The following MAP2K5 variants were observed in gnomAD, a reference collection of about 807,000 sequenced individuals.
The protein encoded by MAP2K5 is mitogen-activated protein kinase kinase 5, also known as dual specificity mitogen-activated protein kinase kinase 5.
Under a neutral mutation model 83.1 loss-of-function variants are expected in MAP2K5, and 49 were observed. That is an observed-to-expected ratio of 0.59 (90% CI 0.47 to 0.75). The LOEUF (loss-of-function observed/expected upper bound fraction) is 0.75, where lower values mean the gene tolerates loss of function less well. Ranked by LOEUF, MAP2K5 falls within the 30% of genes least tolerant of loss-of-function variation. The pLI is 0.00. For missense variants in MAP2K5, 457 were observed against 557.5 expected, an observed-to-expected ratio of 0.82 and a Z score of 1.82; for synonymous variants, 202 against 191.8, an observed-to-expected ratio of 1.05 and a Z score of -0.44.
chr15:67,732,160 T>C (rs2089236941), intron 17 of MAP2K5, among the ~76,000 whole-genome samples: 1 of 152,230 alleles, frequency 6.6e-6, no homozygotes, highest in Non-Finnish European at 1.5e-5. Context: ...TCTGGAAAGA[T>C]GTGAAGGTCT....
At chr15:67,598,965 C>G (rs2085590536) in intron 7 of MAP2K5, among the ~76,000 whole-genome samples, 1 of 152,166 alleles carries the variant, frequency 6.6e-6, no homozygotes, top group South Asian at 2.1e-4. Flanking sequence ...GAGAAATGTT[C>G]TAAGGGAATT....
rs2090707957 is a variant in MAP2K5 at position 67,801,597 on chromosome 15, C to G, written c.1243-5049C>G. 6.6e-6 allele frequency among the ~76,000 whole-genome samples: 1 copy of G among 152,190 alleles called. No individual in the cohort carries two copies. Among genetic ancestry groups the G allele is most frequent in the African/African-American group, 2.4e-5 (1 of 41,436 alleles). ...AGTGTCCTGGGTTTAAACTCTAACT[C>G]TGCCACTTTCTCCATGACCTTGCCA... On this transcript the variant is annotated intron_variant, in intron 21 of 21. Transcript: ENST00000178640. This position sits in a 1 kb window ranked among gnomAD's most constrained non-coding sequence, Gnocchi z 4.8.
Position 67,552,231 on chromosome 15 carries a change from T to TATAGAAAA in MAP2K5, c.184+2154_184+2161dup, listed in dbSNP as rs1323725954. 2.0e-5 allele frequency among the ~76,000 whole-genome samples: 3 copies of TATAGAAAA among 152,224 alleles called. No individual in the cohort carries two copies. The highest frequency in any genetic ancestry group is 7.2e-5 in the African/African-American group (3 of 41,458). On this transcript the variant is annotated intron_variant, in intron 2 of 21. Coordinates refer to ENST00000178640, the MANE Select transcript of MAP2K5 (RefSeq NM_145160.3). This position sits in a 1 kb window ranked among gnomAD's most constrained non-coding sequence, Gnocchi z 4.2. Reference sequence around the variant, plus strand: ...TTATTAGTCACATTGAACTCTGTACTATAGAAAAATAGTACATCTGTCTGA... The same window carrying TATAGAAAA: ...TTATTAGTCACATTGAACTCTGTACTATAGAAAAATAGAAAAATAGTACATCTGTCTGA...
At chr15:67,763,429 C>A (rs1171273483) in intron 19 of MAP2K5, among the ~76,000 whole-genome samples, 3 of 152,194 alleles carry the variant, frequency 2.0e-5, no homozygotes, top group Admixed American at 2.0e-4. Context: ...TCCCACCTTT[C>A]TCCTTCTGAT....
At chr15:67,628,651 A>T in intron 8 of MAP2K5, 1 of 1,031,756 alleles carries the variant, frequency 9.7e-7, no homozygotes, top group Non-Finnish European at 1.5e-6. Context: ...TGTGGATAAG[A>T]CTGTCATTCA....
chr15:67,752,117 G>A (rs2089731087), intron 19 of MAP2K5, among the ~76,000 whole-genome samples: 1 of 152,078 alleles, frequency 6.6e-6, no homozygotes, highest in Admixed American at 6.5e-5. Flanking sequence ...CCAGGCTGGA[G>A]TGGAGTGGCA....
chr15:67,792,327 T>C (rs2090531922), intron 21 of MAP2K5, among the ~76,000 whole-genome samples: 1 of 152,210 alleles, frequency 6.6e-6, no homozygotes, highest in African/African-American at 2.4e-5. Flanking sequence ...AGGGTTAGAC[T>C]AAACCTTTTA....
intron 15 of MAP2K5, among the ~76,000 whole-genome samples, chr15:67,701,181 A>G (rs1272554545): frequency 6.6e-6 from 1 of 152,184 alleles, no homozygotes; most frequent in Admixed American, 6.5e-5. Context: ...TTAGGGCAGC[A>G]TTTAGTTATT....
At position 67,644,790 on chromosome 15, in the gene MAP2K5, G is replaced by GA. The variant is rs894699031; in HGVS notation, c.586-1431dup. 1.4e-4 allele frequency among the ~76,000 whole-genome samples: 20 copies of GA among 146,776 alleles called. No individual in the cohort carries two copies. The highest frequency in any genetic ancestry group is 4.3e-4 in the South Asian group (2 of 4,636). Reference sequence around the variant, plus strand: ...ATTAGCAAAGAACATTACCTGACTGGAAAAAAAAAAGATGATATATTTTTA... The same window carrying GA: ...ATTAGCAAAGAACATTACCTGACTGGAAAAAAAAAAAGATGATATATTTTTA... On this transcript the variant is annotated intron_variant, in intron 9 of 21. Transcript: ENST00000178640. The surrounding 1 kb of genome is among the most constrained non-coding windows in gnomAD (Gnocchi z 4.6).
chr15:67,739,447 T>C (rs1596886250), intron 17 of MAP2K5, among the ~76,000 whole-genome samples: 1 of 14,788 alleles, frequency 6.8e-5, no homozygotes, highest in Non-Finnish European at 1.2e-4. Flanking sequence ...TATATATATA[T>C]ATATATATAT....
At chr15:67,744,481 T>G (rs949930336) in intron 17 of MAP2K5, among the ~76,000 whole-genome samples, 4 of 152,226 alleles carry the variant, frequency 2.6e-5, no homozygotes, top group Non-Finnish European at 4.4e-5. Context: ...AGGTCACACA[T>G]AAATCTTCCA....
intron 7 of MAP2K5, among the ~76,000 whole-genome samples, chr15:67,594,151 G>A (rs1168815927): frequency 2.6e-5 from 4 of 152,100 alleles, no homozygotes; most frequent in African/African-American, 7.2e-5. Flanking sequence ...ATACAGCTAA[G>A]GAGAATCTAG....
At chr15:67,773,970 ATTTG>A (rs1351216457) in intron 21 of MAP2K5, among the ~76,000 whole-genome samples, 4 of 152,180 alleles carry the variant, frequency 2.6e-5, no homozygotes, top group Non-Finnish European at 5.9e-5. Context: ...TAAAACAGAT[ATTTG>A]TTTGTAAATG....
intron 13 of MAP2K5, among the ~76,000 whole-genome samples, chr15:67,685,788 A>G (rs1464979174): frequency 6.6e-6 from 1 of 152,270 alleles, no homozygotes; most frequent in Non-Finnish European, 1.5e-5. Context: ...ATAAAGCTTC[A>G]AACAGACTGG....
intron 2 of MAP2K5, among the ~76,000 whole-genome samples, chr15:67,550,381 A>G (rs1657209261): frequency 6.6e-6 from 1 of 152,224 alleles, no homozygotes; most frequent in African/African-American, 2.4e-5. Flanking sequence ...TGAAACGTGT[A>G]AACTACCTGT....
chr15:67,779,550 TATAG>T lies in MAP2K5; in HGVS notation c.1242+6802_1242+6805del, dbSNP rs1432686438. Among the ~76,000 whole-genome samples the T allele has an allele frequency of 7.2e-5, 11 of 152,382 alleles. No individual in the cohort carries two copies. The highest frequency in any genetic ancestry group is 2.0e-4 in the Admixed American group (3 of 15,308). Reference sequence around the variant, plus strand: ...ATATGCATGCGCATAGCAAGAGAGATATAGATAAAGTCTGTCATTCCTTGATCAT... The same window carrying T: ...ATATGCATGCGCATAGCAAGAGAGATATAAAGTCTGTCATTCCTTGATCAT... On this transcript the variant is annotated intron_variant, in intron 21 of 21. Transcript: ENST00000178640. This position sits in a 1 kb window ranked among gnomAD's most constrained non-coding sequence, Gnocchi z 4.6.
chr15:67,602,399 G>T (rs2085678680), intron 8 of MAP2K5, among the ~76,000 whole-genome samples: 1 of 152,088 alleles, frequency 6.6e-6, no homozygotes, highest in Admixed American at 6.6e-5. Context: ...AAGATTTCTG[G>T]CAACTCTTTG....
At chr15:67,588,631 A>G (rs2085334163) in intron 6 of MAP2K5, among the ~76,000 whole-genome samples, 2 of 152,222 alleles carry the variant, frequency 1.3e-5, no homozygotes, top group South Asian at 2.1e-4. Flanking sequence ...GAATGTATGT[A>G]TGAATTACTT....
At chr15:67,619,243 A>T (rs955556702) in intron 8 of MAP2K5, among the ~76,000 whole-genome samples, 5 of 152,148 alleles carry the variant, frequency 3.3e-5, no homozygotes, top group African/African-American at 9.7e-5. Flanking sequence ...CCCTAATATC[A>T]AATAGCATGT....
Sources: allele counts gnomAD v4.1 joint callset (sites outside exome capture counted in the v4.1 genomes callset), GRCh38; gene constraint gnomAD v4.1.1; non-coding constraint Gnocchi (gnomAD v3.1); transcripts MANE v1.5; gene names NCBI Gene and HGNC (gene_info 2026-07-23, HGNC 2026-07-21).